ZNF804B: variants seen among roughly 807,000 people sequenced by gnomAD.
ZNF804B encodes the protein zinc finger 804B.
A neutral mutation model predicts 101.4 loss-of-function variants in ZNF804B; 80 were observed. The ratio of observed to expected loss-of-function variants is 0.79; its 90% CI spans 0.66 to 0.95. The LOEUF is 0.95. Among genes scored for constraint, ZNF804B ranks in the 40% least tolerant of loss-of-function variants. The pLI, the probability that ZNF804B is intolerant of heterozygous loss-of-function variation, is 0.00. For synonymous variants in ZNF804B, 622 were observed against 558.8 expected, an observed-to-expected ratio of 1.11 and a Z score of -1.59; for missense variants, 1,673 against 1,561.9, an observed-to-expected ratio of 1.07 and a Z score of -1.20.
At chr7:89,122,061 G>T (rs910070101) in intron 1 of ZNF804B, among the ~76,000 whole-genome samples, 1 of 151,392 alleles carries the variant, frequency 6.6e-6, no homozygotes, top group African/African-American at 2.4e-5. Flanking sequence ...GTTAAATTAT[G>T]TGTAAAGTAA....
intron 1 of ZNF804B, among the ~76,000 whole-genome samples, chr7:88,930,144 G>A (rs1425331330): frequency 1.3e-5 from 2 of 151,830 alleles, no homozygotes; most frequent in East Asian, 3.9e-4. Context: ...ATAGGTATGG[G>A]CACCTATAAT....
rs1207919513 is a variant in ZNF804B at position 89,310,286 on chromosome 7, A to C, written c.250-17058A>C. On this transcript the variant is annotated intron_variant, in intron 2 of 3. Transcript: ENST00000333190. ...AGGTGTAAGTATCATGGTGTGATTG[A>C]ATATAGATTCTTGGTTAGGAGTAAA... Among the ~76,000 whole-genome samples the C allele has an allele frequency of 2.0e-5, 3 of 152,102 alleles. No individual in the cohort carries two copies. In the East Asian group the frequency reaches 5.8e-4, roughly 29 times the overall value.
chr7:89,212,895 T>C (rs1027067098), intron 1 of ZNF804B, among the ~76,000 whole-genome samples: 1 of 152,152 alleles, frequency 6.6e-6, no homozygotes, highest in Admixed American at 6.5e-5. Flanking sequence ...CCTACAGTCA[T>C]ATTTTGGGGT....
chr7:88,863,407 C>A (rs969890518), intron 1 of ZNF804B, among the ~76,000 whole-genome samples: 1 of 152,126 alleles, frequency 6.6e-6, no homozygotes, highest in African/African-American at 2.4e-5. Flanking sequence ...ATTATATTCA[C>A]TCATTGAACA....
intron 1 of ZNF804B, among the ~76,000 whole-genome samples, chr7:88,976,369 C>T (rs538310690): frequency 6.6e-6 from 1 of 151,548 alleles, no homozygotes; most frequent in South Asian, 2.1e-4. Flanking sequence ...AATATTGTTT[C>T]TTCCCATTTA....
chr7:88,867,597 A>T (rs923926391), intron 1 of ZNF804B, among the ~76,000 whole-genome samples: 8 of 152,220 alleles, frequency 5.3e-5, no homozygotes, highest in Non-Finnish European at 7.3e-5. Flanking sequence ...ACTCTCAAAG[A>T]CACATCTAGA....
intron 1 of ZNF804B, among the ~76,000 whole-genome samples, chr7:88,763,902 G>C (rs1789939565): frequency 1.3e-5 from 2 of 151,998 alleles, no homozygotes; most frequent in Admixed American, 1.3e-4. Flanking sequence ...GCACTTAGGG[G>C]ACCCAGCAAG....
intron 2 of ZNF804B, among the ~76,000 whole-genome samples, chr7:89,260,403 T>G (rs959859285): frequency 6.6e-6 from 1 of 152,146 alleles, no homozygotes; most frequent in Non-Finnish European, 1.5e-5. Flanking sequence ...TAGGTAGATA[T>G]ACTTTCCCCT....
chr7:89,092,552 A>G (rs1335343535), intron 1 of ZNF804B, among the ~76,000 whole-genome samples: 2 of 151,604 alleles, frequency 1.3e-5, no homozygotes, highest in Non-Finnish European at 2.9e-5. Flanking sequence ...AACTGGGACT[A>G]CAGGCACGTG....
intron 1 of ZNF804B, among the ~76,000 whole-genome samples, chr7:88,899,776 C>A (rs951093749): frequency 6.6e-6 from 1 of 152,098 alleles, no homozygotes; most frequent in Non-Finnish European, 1.5e-5. Context: ...CTCAGATACC[C>A]ATATCTCCTT....
chr7:89,313,974 G>T (rs1790682208), intron 2 of ZNF804B, among the ~76,000 whole-genome samples: 2 of 151,922 alleles, frequency 1.3e-5, no homozygotes, highest in African/African-American at 4.8e-5. Context: ...TTAGATGCTT[G>T]GACATGTCTT....
At chr7:88,850,745 T>C in intron 1 of ZNF804B, among the ~76,000 whole-genome samples, 1 of 151,894 alleles carries the variant, frequency 6.6e-6, no homozygotes, top group East Asian at 1.9e-4. Flanking sequence ...ACATTTACAA[T>C]GAATGGCATT....
chr7:89,280,265 A>G (rs1022367683), intron 2 of ZNF804B, among the ~76,000 whole-genome samples: 11 of 151,890 alleles, frequency 7.2e-5, no homozygotes, highest in African/African-American at 2.2e-4. Context: ...AGCAGTGTGT[A>G]GAGAGAAATT....
At chr7:89,107,076 A>G (rs1790146839) in intron 1 of ZNF804B, among the ~76,000 whole-genome samples, 2 of 152,142 alleles carry the variant, frequency 1.3e-5, no homozygotes, top group Non-Finnish European at 2.9e-5. Flanking sequence ...AAGTGAAGAA[A>G]ATGAATGAAT....
At chr7:88,951,034 C>G (rs1475279248) in intron 1 of ZNF804B, among the ~76,000 whole-genome samples, 3 of 151,644 alleles carry the variant, frequency 2.0e-5, no homozygotes, top group East Asian at 2.0e-4. Context: ...TGACAGTGTT[C>G]TTTTAAATGC....
chr7:89,218,370 T>C (rs1319469512), intron 2 of ZNF804B, 75 bp downstream of exon 2: 2 of 1,529,808 alleles, frequency 1.3e-6, no homozygotes, highest in Non-Finnish European at 1.8e-6. Flanking sequence ...AATTTGACCT[T>C]ATTTACTGCC....
At chr7:88,782,641 A>G (rs1313986398) in intron 1 of ZNF804B, among the ~76,000 whole-genome samples, 1 of 152,200 alleles carries the variant, frequency 6.6e-6, no homozygotes, top group Non-Finnish European at 1.5e-5. Flanking sequence ...ACAGTGGGAA[A>G]ACATTGCCTT....
At chr7:89,032,980 A>G (rs1788861842) in intron 1 of ZNF804B, among the ~76,000 whole-genome samples, 1 of 151,880 alleles carries the variant, frequency 6.6e-6, no homozygotes, top group Admixed American at 6.6e-5. Context: ...TCCTGGTTAT[A>G]TTTAAATATA....
chr7:88,797,453 A>G (rs2115701383), intron 1 of ZNF804B, among the ~76,000 whole-genome samples: 1 of 152,270 alleles, frequency 6.6e-6, no homozygotes, highest in Non-Finnish European at 1.5e-5. Context: ...TTCCCTCCAT[A>G]GAATGCTGGG....
Sources: allele counts gnomAD v4.1 joint callset (sites outside exome capture counted in the v4.1 genomes callset), GRCh38; gene constraint gnomAD v4.1.1; transcripts MANE v1.5; gene names NCBI Gene and HGNC (gene_info 2026-07-23, HGNC 2026-07-21).